CTNNA2: variants seen among roughly 807,000 people sequenced by gnomAD.
CTNNA2 encodes catenin alpha 2.
In CTNNA2, 42 loss-of-function variants were observed where a neutral mutation model predicts 101.0. That is an observed-to-expected ratio of 0.42 (90% CI 0.32 to 0.54). The LOEUF (loss-of-function observed/expected upper bound fraction) is 0.54. Ranked by LOEUF, CTNNA2 falls within the 20% of genes least tolerant of loss-of-function variation. The pLI, the probability that CTNNA2 is intolerant of heterozygous loss-of-function variation, is 0.14. For missense variants in CTNNA2, 871 were observed against 1,223.1 expected (o/e 0.71, Z 4.29); for synonymous variants, 450 against 456.4 (o/e 0.99, Z 0.18).
At chr2:79,827,197 C>A (rs1013341035) in intron 3 of CTNNA2, among the ~76,000 whole-genome samples, 1 of 151,968 alleles carries the variant, frequency 6.6e-6, no homozygotes, top group Non-Finnish European at 1.5e-5. Flanking sequence ...CGCCACCACG[C>A]CCAACTAATT....
intron 1 of CTNNA2, among the ~76,000 whole-genome samples, chr2:79,580,230 C>A (rs554682318): frequency 6.6e-5 from 10 of 152,154 alleles, no homozygotes; most frequent in Admixed American, 6.5e-4. Flanking sequence ...ATCATGAATC[C>A]TGACAAGCAG....
At chr2:79,225,348 G>A (rs373650668) in intron 2 of CTNNA2, among the ~76,000 whole-genome samples, 53 of 152,072 alleles carry the variant, frequency 3.5e-4, no homozygotes, top group East Asian at 1.3e-3. Flanking sequence ...AGTAGTATCT[G>A]GGATTTTAAG....
chr2:79,741,183 C>T (rs187477406), intron 2 of CTNNA2, among the ~76,000 whole-genome samples: 2 of 152,126 alleles, frequency 1.3e-5, no homozygotes, highest in Non-Finnish European at 2.9e-5. Context: ...ACTTTTTCAC[C>T]TACTAATGGA....
intron 4 of CTNNA2, among the ~76,000 whole-genome samples, chr2:79,477,168 C>CTTTTTTTTTTTTTT (rs5832392): frequency 3.2e-5 from 4 of 123,146 alleles, no homozygotes; most frequent in East Asian, 2.6e-4. Context: ...TCTTTTTTTT[C>CTTTTTTTTTTTTTT]TTTTTTTTTT....
At chr2:79,596,855 C>T (rs1204530207) in intron 1 of CTNNA2, among the ~76,000 whole-genome samples, 1 of 152,112 alleles carries the variant, frequency 6.6e-6, no homozygotes, top group Non-Finnish European at 1.5e-5. Context: ...CTGCTATTCT[C>T]CAGGGCTTTT....
At chr2:79,807,666 A>C (rs1448871144) in intron 3 of CTNNA2, among the ~76,000 whole-genome samples, 1 of 152,216 alleles carries the variant, frequency 6.6e-6, no homozygotes, top group African/African-American at 2.4e-5. Flanking sequence ...CATTGAATGA[A>C]TAGCAGTTAC....
intron 7 of CTNNA2, among the ~76,000 whole-genome samples, chr2:80,236,774 G>T (rs192389839): frequency 6.6e-6 from 1 of 152,146 alleles, no homozygotes; most frequent in Admixed American, 6.5e-5. Context: ...AGTTTTCCTG[G>T]GCTCATTCCC....
At chr2:79,859,425 G>A (rs4332944) in intron 4 of CTNNA2, among the ~76,000 whole-genome samples, 5,975 of 152,088 alleles carry the variant, frequency 0.039, 169 homozygotes, top group East Asian at 0.13. Flanking sequence ...ATCTTTTACC[G>A]AAGGTGGCCC....
In CTNNA2 at chr2:80,405,785, G is replaced by A. The variant is rs551420187; in HGVS notation, c.1137+12494G>A. Among the ~76,000 whole-genome samples, 7 of 152,244 alleles carry A rather than the reference G, an allele frequency of 4.6e-5. No individual in the cohort carries two copies. In the South Asian group the frequency reaches 1.5e-3, roughly 32 times the overall value. On this transcript the variant is annotated intron_variant, in intron 8 of 18. Transcript: ENST00000402739. ...GCCTGAGCATTCCAGGATTAAAGGA[G>A]AACCATTTGTCCTGAGGAGTTTGAG... is the stretch of plus-strand genomic sequence containing the variant.
At chr2:79,695,561 A>T (rs968676460) in intron 2 of CTNNA2, among the ~76,000 whole-genome samples, 2 of 152,028 alleles carry the variant, frequency 1.3e-5, no homozygotes, top group Non-Finnish European at 2.9e-5. Context: ...TGTACAAAAA[A>T]TGGCAGCCTT....
chr2:80,020,287 C>G (rs924310543), intron 7 of CTNNA2, among the ~76,000 whole-genome samples: 1 of 152,096 alleles, frequency 6.6e-6, no homozygotes, highest in African/African-American at 2.4e-5. Context: ...CAATCAAAGG[C>G]CTATTGTATA....
At chr2:79,469,266 C>G (rs1388569306) in intron 4 of CTNNA2, among the ~76,000 whole-genome samples, 2 of 152,164 alleles carry the variant, frequency 1.3e-5, no homozygotes, top group Admixed American at 6.5e-5. Context: ...CGCAAATAAA[C>G]TAGAAAATCT....
chr2:80,378,643 C>T (rs532875227), intron 7 of CTNNA2: 12 of 152,190 alleles, frequency 7.9e-5, no homozygotes, highest in African/African-American at 1.4e-4. Context: ...TCCATAGGGC[C>T]GATGACATAA....
At chr2:80,358,626 T>C (rs1674084516) in intron 7 of CTNNA2, among the ~76,000 whole-genome samples, 1 of 152,172 alleles carries the variant, frequency 6.6e-6, no homozygotes, top group African/African-American at 2.4e-5. Context: ...GTGCTGGGAT[T>C]ATAGGCGTGA....
chr2:80,340,578 T>C (rs1165566865), intron 7 of CTNNA2, among the ~76,000 whole-genome samples: 1 of 152,214 alleles, frequency 6.6e-6, no homozygotes, highest in Non-Finnish European at 1.5e-5. Context: ...CCAGGTGACA[T>C]ACAGCCCTTT....
intron 9 of CTNNA2, 25 bp downstream of exon 9, chr2:80,419,626 T>C (rs756781812): frequency 1.2e-6 from 2 of 1,611,712 alleles, no homozygotes; most frequent in Non-Finnish European, 1.7e-6. Context: ...GCCTGAAGAC[T>C]AGAGTTTACC....
intron 3 of CTNNA2, among the ~76,000 whole-genome samples, chr2:79,853,358 G>A (rs141211461): frequency 6.6e-6 from 1 of 152,232 alleles, no homozygotes; most frequent in East Asian, 1.9e-4. Context: ...GACCAGGCTG[G>A]ATGAAAAAGA....
At chr2:80,171,821 C>T (rs987881955) in intron 7 of CTNNA2, among the ~76,000 whole-genome samples, 2 of 152,104 alleles carry the variant, frequency 1.3e-5, no homozygotes, top group Admixed American at 6.5e-5. Context: ...AGCTAGGAGG[C>T]CATATGCCCT....
intron 2 of CTNNA2, among the ~76,000 whole-genome samples, chr2:79,253,453 A>G (rs2104275578): frequency 6.6e-6 from 1 of 152,314 alleles, no homozygotes; most frequent in South Asian, 2.1e-4. Context: ...TCAAAATAAG[A>G]TTTGCAAATC....
Sources: gnomAD v4.1 joint callset for allele counts (sites outside exome capture counted in the v4.1 genomes callset) on GRCh38, gnomAD v4.1.1 for gene constraint, MANE v1.5 for transcripts, NCBI Gene and HGNC (gene_info 2026-07-23, HGNC 2026-07-21) for gene names.